The following ARHGAP42 variants were observed in gnomAD, a reference collection of about 807,000 sequenced individuals.
ARHGAP42 encodes Rho GTPase activating protein 42.
Under a neutral mutation model 125.0 loss-of-function variants are expected in ARHGAP42, and 63 were observed. The observed-to-expected ratio is 0.50, with a 90% CI of 0.41 to 0.62. ARHGAP42 has a LOEUF of 0.62. Among genes scored for constraint, ARHGAP42 ranks in the 20% least tolerant of loss-of-function variants. The probability of loss-of-function intolerance (pLI) is 0.00; values close to 1 mark genes in which losing one functional copy is unlikely to be tolerated. For synonymous variants in ARHGAP42, 339 were observed against 351.0 expected (o/e 0.97, Z 0.38); for missense variants, 766 against 1,024.2 (o/e 0.75, Z 3.44).
At chr11:100,935,952 A>G (rs594200) in intron 7 of ARHGAP42, among the ~76,000 whole-genome samples, 134,141 of 152,014 alleles carry the variant, frequency 0.88, 59,269 homozygotes, top group East Asian at 1. Context: ...GGAAACATGT[A>G]AGACCCCATC....
chr11:100,815,547 A>C (rs1338590082), intron 3 of ARHGAP42, among the ~76,000 whole-genome samples: 1 of 152,186 alleles, frequency 6.6e-6, no homozygotes, highest in Non-Finnish European at 1.5e-5. Flanking sequence ...ATGTGCAGAT[A>C]TGTTTCTTCT....
chr11:100,927,626 G>A (rs1867463090), intron 6 of ARHGAP42, among the ~76,000 whole-genome samples: 1 of 152,130 alleles, frequency 6.6e-6, no homozygotes, highest in Non-Finnish European at 1.5e-5. Context: ...TCAGCTTGCT[G>A]GTGACAGTAC....
chr11:100,823,701 T>G (rs1319074063), intron 3 of ARHGAP42, among the ~76,000 whole-genome samples: 1 of 152,196 alleles, frequency 6.6e-6, no homozygotes, highest in East Asian at 1.9e-4. Flanking sequence ...GTTTTCTAAC[T>G]GGAAAAAGCC....
chr11:100,834,740 T>C (rs1007418522), intron 3 of ARHGAP42, among the ~76,000 whole-genome samples: 13 of 151,558 alleles, frequency 8.6e-5, no homozygotes, highest in African/African-American at 3.2e-4. Flanking sequence ...ATAAATGCTA[T>C]GACCAAGGTA....
intron 1 of ARHGAP42, among the ~76,000 whole-genome samples, chr11:100,729,055 C>T (rs951251308): frequency 7.8e-5 from 11 of 140,246 alleles, no homozygotes; most frequent in Non-Finnish European, 1.6e-4. Context: ...AGGTGTGAGC[C>T]ACTGCACGCA....
At chr11:100,705,068 A>G (rs1203650921) in intron 1 of ARHGAP42, among the ~76,000 whole-genome samples, 1 of 151,646 alleles carries the variant, frequency 6.6e-6, no homozygotes, top group Non-Finnish European at 1.5e-5. Context: ...CACTGTTCCT[A>G]CTTTAAGTCC....
intron 12 of ARHGAP42, among the ~76,000 whole-genome samples, chr11:100,959,403 G>T (rs1382756802): frequency 1.3e-5 from 2 of 152,036 alleles, no homozygotes; most frequent in Non-Finnish European, 2.9e-5. Context: ...TTTGAATCCT[G>T]ACTCTAGAGC....
chr11:100,836,056 A>ATT (rs1162551054), intron 3 of ARHGAP42, among the ~76,000 whole-genome samples: 1 of 152,088 alleles, frequency 6.6e-6, no homozygotes, highest in Non-Finnish European at 1.5e-5. Context: ...CACACTTAAT[A>ATT]AAGAGTTTCA....
In ARHGAP42 at chr11:100,968,925, G is replaced by A. The variant is rs967031738; in HGVS notation, c.1550+3149G>A. Among the ~76,000 whole-genome samples, 6 of 43,504 alleles carry A rather than the reference G, an allele frequency of 1.4e-4. No individual in the cohort carries two copies. In the South Asian group the frequency reaches 3.5e-3, roughly 26 times the overall value. The allele number at this position is 43,504 out of a possible 152,430, so 28.5% of individuals were successfully genotyped here. ...TTTAATTACATAATTACCTACACTG[G>A]GTGTTTTTTTGTTTTTTTGTGTGTG... On this transcript the variant is annotated intron_variant, in intron 17 of 23. Transcript: ENST00000298815.
intron 10 of ARHGAP42, among the ~76,000 whole-genome samples, chr11:100,946,926 C>G (rs181450425): frequency 6.6e-6 from 1 of 151,376 alleles, no homozygotes; most frequent in African/African-American, 2.4e-5. Flanking sequence ...CTGCAAAGCT[C>G]AATCAAGCAA....
intron 3 of ARHGAP42, among the ~76,000 whole-genome samples, chr11:100,832,131 G>A (rs1033540346): frequency 4.6e-5 from 7 of 152,212 alleles, no homozygotes; most frequent in African/African-American, 1.7e-4. Flanking sequence ...GTGAGCCCAC[G>A]CCAGGCTGTT....
intron 3 of ARHGAP42, among the ~76,000 whole-genome samples, chr11:100,833,358 T>C (rs1450667469): frequency 1.3e-5 from 2 of 152,226 alleles, no homozygotes; most frequent in Non-Finnish European, 2.9e-5. Flanking sequence ...ATTCTGGTTT[T>C]CCAATGCTGT....
chr11:100,952,626 T>C (rs1857688342), intron 12 of ARHGAP42, among the ~76,000 whole-genome samples: 1 of 151,892 alleles, frequency 6.6e-6, no homozygotes, highest in African/African-American at 2.4e-5. Context: ...GTGCTACCAA[T>C]GAAAGAAACC....
intron 1 of ARHGAP42, among the ~76,000 whole-genome samples, chr11:100,710,688 A>G (rs1274485065): frequency 6.6e-6 from 1 of 151,028 alleles, no homozygotes; most frequent in Non-Finnish European, 1.5e-5. Context: ...CCACAGGCAC[A>G]TGCCACCACA....
At position 100,744,844 on chromosome 11, in the gene ARHGAP42, T is replaced by A. The variant is rs975064398; in HGVS notation, c.155-25499T>A. ...TTGAATATAAAATTTTCTTTTTAATTCTCTGCAAGGCAATGTACTTGGGAT... is the reference window on the plus strand; with the variant it reads ...TTGAATATAAAATTTTCTTTTTAATACTCTGCAAGGCAATGTACTTGGGAT... On this transcript the variant is annotated intron_variant, in intron 1 of 23. Transcript: ENST00000298815. Among the ~76,000 whole-genome samples the A allele has an allele frequency of 4.6e-4, 70 of 152,296 alleles. 1 individual carries two copies. The East Asian group carries it at 0.012, about 26-fold the overall frequency.
chr11:100,778,785 C>T (rs528122048), intron 2 of ARHGAP42, among the ~76,000 whole-genome samples: 557 of 152,214 alleles, frequency 3.7e-3, no homozygotes, highest in Middle Eastern at 6.8e-3. Context: ...TTTCAGGCTT[C>T]GAGTTAAAAA....
At chr11:100,891,516 T>C (rs677307) in intron 4 of ARHGAP42, among the ~76,000 whole-genome samples, 133,481 of 149,476 alleles carry the variant, frequency 0.89, 59,682 homozygotes, top group East Asian at 1. Flanking sequence ...AATCTTGGCT[T>C]GCTGCAACCT....
At position 100,967,252 on chromosome 11, in the gene ARHGAP42, A is replaced by G. The variant is rs1287162294; in HGVS notation, c.1550+1476A>G. Among the ~76,000 whole-genome samples, 3 of 152,300 alleles carry G rather than the reference A, an allele frequency of 2.0e-5. No individual in the cohort carries two copies. The East Asian group carries it at 5.8e-4, about 29-fold the overall frequency. ...TTAATTAACTCTGAGTAACAGTATA[A>G]ATCATTGCTTTCTTCCTAAGAGTCC... On this transcript the variant is annotated intron_variant, in intron 17 of 23. Coordinates refer to ENST00000298815, the MANE Select transcript of ARHGAP42 (RefSeq NM_152432.4).
chr11:100,951,665 T>C (rs1025269363), intron 12 of ARHGAP42, among the ~76,000 whole-genome samples: 7 of 152,294 alleles, frequency 4.6e-5, no homozygotes, highest in Middle Eastern at 6.8e-3. Context: ...GTACTTATGA[T>C]GGAGAGGGAG....
Sources: allele counts gnomAD v4.1 joint callset (sites outside exome capture counted in the v4.1 genomes callset), GRCh38; gene constraint gnomAD v4.1.1; transcripts MANE v1.5; gene names NCBI Gene and HGNC (gene_info 2026-07-23, HGNC 2026-07-21).